Variants in CDKAL1 observed in about 807,000 individuals in gnomAD.
CDKAL1 encodes the protein CDKAL1 threonylcarbamoyladenosine tRNA methylthiotransferase, also known as threonylcarbamoyladenosine tRNA methylthiotransferase.
In CDKAL1, 32 loss-of-function variants were observed where a neutral mutation model predicts 68.2. The ratio of observed to expected loss-of-function variants is 0.47; its 90% CI spans 0.35 to 0.63. The LOEUF is 0.63. CDKAL1 is among the 30% of genes least tolerant of loss of function. The pLI, the probability that CDKAL1 is intolerant of heterozygous loss-of-function variation, is 0.00. For missense variants in CDKAL1, 606 were observed against 696.7 expected (o/e 0.87, Z 1.47); for synonymous variants, 234 against 244.3 (o/e 0.96, Z 0.39).
intron 11 of CDKAL1, among the ~76,000 whole-genome samples, chr6:21,046,949 T>G (rs986029118): frequency 1.3e-5 from 2 of 152,314 alleles, no homozygotes; most frequent in East Asian, 1.9e-4. Context: ...CCTTAAAGAC[T>G]CCATCTTGTA....
intron 12 of CDKAL1, among the ~76,000 whole-genome samples, chr6:21,091,076 C>T (rs1035259311): frequency 6.6e-6 from 1 of 152,162 alleles, no homozygotes; most frequent in African/African-American, 2.4e-5. Flanking sequence ...TGACTGCAGG[C>T]ATGAGTGTAC....
chr6:20,550,090 T>G (rs181246096), intron 4 of CDKAL1, among the ~76,000 whole-genome samples: 1 of 152,222 alleles, frequency 6.6e-6, no homozygotes, highest in East Asian at 1.9e-4. Context: ...GGGATTCTCC[T>G]GCCTCAGCCT....
chr6:21,038,500 A>G (rs976763566), intron 11 of CDKAL1, among the ~76,000 whole-genome samples: 1 of 152,222 alleles, frequency 6.6e-6, no homozygotes, highest in Non-Finnish European at 1.5e-5. Context: ...AATTTTTTAC[A>G]AAGGTATTCA....
chr6:21,131,131 C>T (rs76201040), intron 13 of CDKAL1, among the ~76,000 whole-genome samples: 1,647 of 152,228 alleles, frequency 0.011, 24 homozygotes, highest in African/African-American at 0.037. Context: ...AAATTGTCTA[C>T]CTTTTATATA....
chr6:20,894,646 A>G (rs1349750207), intron 9 of CDKAL1, among the ~76,000 whole-genome samples: 1 of 152,158 alleles, frequency 6.6e-6, no homozygotes, highest in Admixed American at 6.5e-5. Context: ...AACTGCCCCC[A>G]TTATAGAGAT....
At chr6:20,752,481 G>T (rs1477225986) in intron 6 of CDKAL1, among the ~76,000 whole-genome samples, 1 of 151,994 alleles carries the variant, frequency 6.6e-6, no homozygotes, top group African/African-American at 2.4e-5. Flanking sequence ...TCTTCTATGT[G>T]CATGCACACA....
At chr6:21,082,502 A>T (rs1300825385) in intron 12 of CDKAL1, among the ~76,000 whole-genome samples, 1 of 152,242 alleles carries the variant, frequency 6.6e-6, no homozygotes, top group East Asian at 1.9e-4. Context: ...CTGAGACTTC[A>T]TTCTTTCTTA....
intron 5 of CDKAL1, among the ~76,000 whole-genome samples, chr6:20,714,951 T>G (rs181288719): frequency 1.2e-4 from 19 of 152,338 alleles, no homozygotes; most frequent in African/African-American, 4.1e-4. Flanking sequence ...TAAATTTTAT[T>G]GTATAAATTT....
chr6:21,037,652 C>A (rs1472710138), intron 11 of CDKAL1, among the ~76,000 whole-genome samples: 1 of 152,104 alleles, frequency 6.6e-6, no homozygotes, highest in Non-Finnish European at 1.5e-5. Context: ...GGAACTGAAT[C>A]TTTAATTTTA....
chr6:21,068,819 A>G (rs948435024), intron 12 of CDKAL1, among the ~76,000 whole-genome samples: 14 of 152,196 alleles, frequency 9.2e-5, no homozygotes, highest in African/African-American at 2.9e-4. Flanking sequence ...TTGTTATAAT[A>G]TCAAGTTTCT....
At chr6:20,600,506 A>T (rs556520326) in intron 4 of CDKAL1, among the ~76,000 whole-genome samples, 178 of 152,174 alleles carry the variant, frequency 1.2e-3, no homozygotes, top group African/African-American at 3.8e-3. Flanking sequence ...TGTCAATTTC[A>T]TTTAAATCAT....
At chr6:20,765,377 C>T (rs1215090204) in intron 7 of CDKAL1, among the ~76,000 whole-genome samples, 2 of 31,970 alleles carry the variant, frequency 6.3e-5, no homozygotes, top group Non-Finnish European at 1.2e-4. Flanking sequence ...GGGATGGTCT[C>T]GATCTCCTGA....
chr6:20,595,864 G>A (rs531131717), intron 4 of CDKAL1, among the ~76,000 whole-genome samples: 3 of 152,216 alleles, frequency 2.0e-5, no homozygotes, highest in African/African-American at 7.2e-5. Context: ...CTGAGTGGAC[G>A]TCCTTTTTGT....
chr6:20,843,332 C>T (rs1778249643), intron 8 of CDKAL1, among the ~76,000 whole-genome samples: 1 of 151,894 alleles, frequency 6.6e-6, no homozygotes, highest in South Asian at 2.1e-4. Context: ...CCTGCCCTTT[C>T]CCCCTGCTAG....
At chr6:20,790,866 T>C (rs1775870655) in intron 8 of CDKAL1, among the ~76,000 whole-genome samples, 1 of 152,100 alleles carries the variant, frequency 6.6e-6, no homozygotes, top group South Asian at 2.1e-4. Flanking sequence ...GAGTGCATGC[T>C]GATTGGTTTG....
intron 2 of CDKAL1, among the ~76,000 whole-genome samples, chr6:20,538,821 A>G (rs1474814223): frequency 3.3e-5 from 5 of 152,176 alleles, no homozygotes; most frequent in Non-Finnish European, 7.3e-5. Flanking sequence ...TGTCATAGAA[A>G]GACTAGCTAA....
At chr6:20,758,367 A>T (rs1774317853) in intron 6 of CDKAL1, among the ~76,000 whole-genome samples, 2 of 152,202 alleles carry the variant, frequency 1.3e-5, no homozygotes, top group African/African-American at 4.8e-5. Flanking sequence ...TTTAAATGCA[A>T]TATGATATCT....
At chr6:20,555,477 C>T (rs1204694547) in intron 4 of CDKAL1, among the ~76,000 whole-genome samples, 6 of 151,890 alleles carry the variant, frequency 4.0e-5, no homozygotes, top group East Asian at 3.9e-4. Flanking sequence ...TGCACCACCA[C>T]GCTCAGCTAA....
At chr6:20,814,637 A>G (rs1776966480) in intron 8 of CDKAL1, among the ~76,000 whole-genome samples, 2 of 152,222 alleles carry the variant, frequency 1.3e-5, no homozygotes, top group African/African-American at 4.8e-5. Flanking sequence ...TTTAGTTTAC[A>G]GTTCATTTTC....
Sources: gnomAD v4.1 joint callset for allele counts (sites outside exome capture counted in the v4.1 genomes callset) on GRCh38, gnomAD v4.1.1 for gene constraint, MANE v1.5 for transcripts, NCBI Gene and HGNC (gene_info 2026-07-23, HGNC 2026-07-21) for gene names.